CEMIP: variants seen among roughly 807,000 people sequenced by gnomAD.
CEMIP encodes the protein cell migration-inducing and hyaluronan-binding protein.
CEMIP carries 105 observed loss-of-function variants against 156.9 expected under a neutral mutation model. The observed-to-expected ratio is 0.67, with a 90% CI of 0.57 to 0.79. The LOEUF (loss-of-function observed/expected upper bound fraction) is 0.79, where lower values mean the gene tolerates loss of function less well. Ranked by LOEUF, CEMIP falls within the 30% of genes least tolerant of loss-of-function variation. The pLI, the probability that CEMIP is intolerant of heterozygous loss-of-function variation, is 0.00. For synonymous variants in CEMIP, 676 were observed against 668.4 expected, an observed-to-expected ratio of 1.01 and a Z score of -0.17; for missense variants, 1,457 against 1,769.4, an observed-to-expected ratio of 0.82 and a Z score of 3.17.
chr15:80,934,061 C>T (rs568233395), intron 23 of CEMIP, among the ~76,000 whole-genome samples: 2 of 152,200 alleles, frequency 1.3e-5, no homozygotes, highest in African/African-American at 2.4e-5. Context: ...GTGTATTTTA[C>T]ACTTATAGCC....
intron 10 of CEMIP, among the ~76,000 whole-genome samples, chr15:80,891,680 C>G (rs944561207): frequency 6.6e-6 from 1 of 152,194 alleles, no homozygotes; most frequent in Non-Finnish European, 1.5e-5. Context: ...AGATAAGAGT[C>G]ATGTGCCTCC....
chr15:80,889,516 C>T lies in CEMIP; in HGVS notation c.1010C>T (p.Thr337Ile). ...TTCGATCATGATAAAGTATCTCAGA[C>T]TAAAGGTGGGGAGAAAATTTCAGAC... ...EWFDHDKVSQ[T>I]KGGEKISDLW... The change falls in exon 10 of 30, where the codon ACT (threonine) becomes ATT (isoleucine). Residue 337 changes from threonine to isoleucine, a missense_variant. Thr to Ile is a moderately conservative substitution (Grantham distance 89). Transcript: ENST00000394685. The T allele has an allele frequency of 6.2e-7, 1 of 1,614,128 alleles. No homozygotes were observed. Among genetic ancestry groups the T allele is most frequent in the Non-Finnish European group, 8.5e-7 (1 of 1,180,014 alleles).
rs185689748 is a variant in CEMIP at position 80,799,875 on chromosome 15, G to A, written c.-176+20261G>A. ...ATTTTTTATTTTTTAGAGAGACAAG[G>A]TCTCTCTCTGCCACCCAGGCTGGAG... is the stretch of plus-strand genomic sequence containing the variant. On this transcript the variant is annotated intron_variant, in intron 1 of 29. Transcript: ENST00000394685. Among the ~76,000 whole-genome samples the A allele has an allele frequency of 9.1e-4, 138 of 152,090 alleles. 1 individual carries two copies. Among genetic ancestry groups the A allele is most frequent in the African/African-American group, 3.2e-3 (134 of 41,476 alleles).
At chr15:80,809,648 G>A (rs1222319489) in intron 1 of CEMIP, among the ~76,000 whole-genome samples, 1 of 152,170 alleles carries the variant, frequency 6.6e-6, no homozygotes. Context: ...TGAAATCAAG[G>A]TGTTGGCCAG....
chr15:80,846,363 C>T (rs931148079), intron 1 of CEMIP, among the ~76,000 whole-genome samples: 1 of 152,162 alleles, frequency 6.6e-6, no homozygotes, highest in African/African-American at 2.4e-5. Context: ...CCAGATAGCC[C>T]GAGACAGGCT....
intron 12 of CEMIP, among the ~76,000 whole-genome samples, chr15:80,900,636 G>GTGTGTGTGTGTGTC (rs1567090904): frequency 4.5e-5 from 6 of 132,110 alleles, no homozygotes; most frequent in African/African-American, 1.6e-4. Context: ...GTGTGTGTGT[G>GTGTGTGTGTGTGTC]TGTGTGTGTG....
chr15:80,817,070 A>G (rs1268398719), intron 1 of CEMIP, among the ~76,000 whole-genome samples: 3 of 152,192 alleles, frequency 2.0e-5, no homozygotes, highest in Non-Finnish European at 2.9e-5. Flanking sequence ...GGCTATTTAT[A>G]TAGAAATAGA....
At chr15:80,825,896 G>C (rs532878054) in intron 1 of CEMIP, among the ~76,000 whole-genome samples, 1 of 152,312 alleles carries the variant, frequency 6.6e-6, no homozygotes, top group East Asian at 1.9e-4. Context: ...ACATTTGTCT[G>C]TTATTGCCCA....
At chr15:80,927,104 C>T (rs1416928372) in intron 19 of CEMIP, among the ~76,000 whole-genome samples, 1 of 152,230 alleles carries the variant, frequency 6.6e-6, no homozygotes, top group Non-Finnish European at 1.5e-5. Context: ...GCTGGGATTA[C>T]AGGCGTGAGC....
chr15:80,825,070 G>A (rs1896998930), intron 1 of CEMIP, among the ~76,000 whole-genome samples: 1 of 152,206 alleles, frequency 6.6e-6, no homozygotes, highest in African/African-American at 2.4e-5. Context: ...CAGCTAAAGA[G>A]GGAGGAAGGA....
At chr15:80,900,636 G>GTC (rs1567090897) in intron 12 of CEMIP, among the ~76,000 whole-genome samples, 43 of 132,188 alleles carry the variant, frequency 3.3e-4, no homozygotes, top group Middle Eastern at 3.9e-3. Flanking sequence ...GTGTGTGTGT[G>GTC]TGTGTGTGTG....
intron 12 of CEMIP, among the ~76,000 whole-genome samples, chr15:80,900,350 T>G (rs1899423452): frequency 6.6e-6 from 1 of 151,960 alleles, no homozygotes; most frequent in Non-Finnish European, 1.5e-5. Context: ...AGGCCCCGAG[T>G]ACCAAGCGGG....
chr15:80,821,842 T>C lies in CEMIP; in HGVS notation c.-176+42228T>C, dbSNP rs561283403. ...TGTGGCAGATCCCTGAAAGGGACTC[T>C]CAGGACAGTCTCCCCTTGGGATTAG... On this transcript the variant is annotated intron_variant, in intron 1 of 29. Transcript: ENST00000394685. Among the ~76,000 whole-genome samples, 9 of 152,344 alleles carry C rather than the reference T, an allele frequency of 5.9e-5. No homozygotes were observed. In the East Asian group the frequency reaches 1.7e-3, roughly 29 times the overall value.
At position 80,922,110 on chromosome 15, in the gene CEMIP, T is replaced by C. The variant is rs1276496956; in HGVS notation, c.2175T>C (p.Tyr725=). 1.2e-5 allele frequency: 20 copies of C among 1,614,138 alleles called. No homozygotes were observed. In the East Asian group the frequency reaches 2.9e-4, roughly 23 times the overall value. Residue 725 remains tyrosine (Y), a synonymous_variant, in exon 17 of 30, where the codon TAT becomes TAC. Transcript: ENST00000394685. ...YSEHIPLGKF[Y]NNRAHSNYRA... is the part of the protein sequence containing the mutation. ...AGCACATTCCACTGGGAAAATTCTA[T>C]AACAACCGAGCACATTCCAACTACC...
intron 1 of CEMIP, among the ~76,000 whole-genome samples, chr15:80,814,847 C>A (rs2141636236): frequency 6.6e-6 from 1 of 152,262 alleles, no homozygotes; most frequent in South Asian, 2.1e-4. Flanking sequence ...TAGGGGTGTG[C>A]TTTCTTTTTC....
At chr15:80,938,513 G>A (rs948344252) in intron 25 of CEMIP, among the ~76,000 whole-genome samples, 2 of 152,228 alleles carry the variant, frequency 1.3e-5, no homozygotes, top group African/African-American at 4.8e-5. Context: ...GCTGAGGCAG[G>A]AGAATTGCTT....
intron 12 of CEMIP, among the ~76,000 whole-genome samples, chr15:80,900,654 GTGTGTGTCTGTGTGTGTGTGTGTATTT>G (rs1567091025): frequency 8.6e-5 from 12 of 140,274 alleles, no homozygotes; most frequent in African/African-American, 3.0e-4. Context: ...GTGTGTCTGT[GTGTGTGTCTGTGTGTGTGTGTGTATTT>G]TGTGTGTGTA....
At chr15:80,940,600 G>C (rs1379913932) in intron 25 of CEMIP, among the ~76,000 whole-genome samples, 1 of 152,206 alleles carries the variant, frequency 6.6e-6, no homozygotes, top group Non-Finnish European at 1.5e-5. Flanking sequence ...CGAGGCCTCT[G>C]TAACAGTCAG....
At position 80,881,070 on chromosome 15, in the gene CEMIP, G is replaced by A; in HGVS notation, c.551G>A (p.Trp184Ter). 6.2e-7 allele frequency: 1 copy of A among 1,614,218 alleles called. No individual in the cohort carries two copies. The highest frequency in any genetic ancestry group is 8.5e-7 in the Non-Finnish European group (1 of 1,180,030). ...GGAGGCTATTTTTTTGAAAGGAGCT[G>A]GGGCCACCGTGGAGTTATTGTTCAT... ...AEGGYFFERS[W>*]GHRGVIVHVI... Residue 184 changes from tryptophan (W) to a stop codon, truncating the protein, a stop_gained, in exon 6 of 30, where the codon TGG (tryptophan) becomes TAG (stop). Transcript: ENST00000394685. LOFTEE classifies it high-confidence loss of function.
Sources: gnomAD v4.1 joint callset for allele counts (sites outside exome capture counted in the v4.1 genomes callset) on GRCh38, gnomAD v4.1.1 for gene constraint, MANE v1.5 for transcripts, NCBI Gene and HGNC (gene_info 2026-07-23, HGNC 2026-07-21) for gene names.